Variants in LRRC4C observed in about 807,000 individuals in gnomAD.
LRRC4C encodes the protein leucine-rich repeat-containing protein 4C.
Under a neutral mutation model 33.6 loss-of-function variants are expected in LRRC4C, and 5 were observed. That is an observed-to-expected ratio of 0.15 (90% CI 0.08 to 0.31). The LOEUF is 0.31. LRRC4C is among the 10% of genes least tolerant of loss of function. The pLI is 1.00. For synonymous variants in LRRC4C, 329 were observed against 302.0 expected, an observed-to-expected ratio of 1.09 and a Z score of -0.93; for missense variants, 560 against 796.7, an observed-to-expected ratio of 0.70 and a Z score of 3.58.
chr11:40,888,691 C>G (rs1592000692), intron 2 of LRRC4C, among the ~76,000 whole-genome samples: 1 of 151,966 alleles, frequency 6.6e-6, no homozygotes, highest in African/African-American at 2.4e-5. Flanking sequence ...GGAAATTTCT[C>G]TTGATTAACC....
intron 1 of LRRC4C, among the ~76,000 whole-genome samples, chr11:40,970,474 A>G (rs1441779375): frequency 6.6e-6 from 1 of 152,190 alleles, no homozygotes. Flanking sequence ...TAGCCTGAAG[A>G]ACCATGAGCC....
In LRRC4C at chr11:40,325,093, G is replaced by A. The variant is rs1242311405; in HGVS notation, c.-269-5372C>T. Among the ~76,000 whole-genome samples, 3 of 152,194 alleles carry A rather than the reference G, an allele frequency of 2.0e-5. No individual in the cohort carries two copies. In the East Asian group the frequency reaches 5.8e-4, roughly 29 times the overall value. ...GTCTTCTATGAACAGATTGGCAATG[G>A]AACGACTAGTTGAAAGGTGAAATTT... On this transcript the variant is annotated intron_variant, in intron 3 of 6. Coordinates refer to ENST00000528697, the MANE Select transcript of LRRC4C (RefSeq NM_001258419.2).
chr11:40,188,175 T>C (rs1316109547), intron 5 of LRRC4C, among the ~76,000 whole-genome samples: 1 of 152,222 alleles, frequency 6.6e-6, no homozygotes, highest in Non-Finnish European at 1.5e-5. Context: ...TCAAATGATA[T>C]TGTTTCTTCA....
intron 5 of LRRC4C, among the ~76,000 whole-genome samples, chr11:40,200,688 C>T (rs997102827): frequency 2.1e-5 from 3 of 141,982 alleles, no homozygotes; most frequent in African/African-American, 7.9e-5. Context: ...ATTGCTTGAA[C>T]CCAGGAGGTG....
chr11:40,338,101 C>T (rs1946708376), intron 3 of LRRC4C, among the ~76,000 whole-genome samples: 1 of 152,176 alleles, frequency 6.6e-6, no homozygotes, highest in East Asian at 1.9e-4. Flanking sequence ...TCGATACTTT[C>T]TAAAATGCTT....
chr11:40,776,364 G>C (rs1235917130), intron 2 of LRRC4C, among the ~76,000 whole-genome samples: 1 of 151,820 alleles, frequency 6.6e-6, no homozygotes, highest in Non-Finnish European at 1.5e-5. Flanking sequence ...CTGGTCTAGG[G>C]ATTTTTTTAA....
chr11:40,341,515 C>T (rs1189527477), intron 3 of LRRC4C, among the ~76,000 whole-genome samples: 1 of 134,028 alleles, frequency 7.5e-6, no homozygotes, highest in Non-Finnish European at 1.6e-5. Flanking sequence ...CATATGGACA[C>T]ATCACACACT....
At chr11:41,319,465 A>G (rs1400927758) in intron 1 of LRRC4C, among the ~76,000 whole-genome samples, 1 of 152,192 alleles carries the variant, frequency 6.6e-6, no homozygotes, top group African/African-American at 2.4e-5. Flanking sequence ...GCCACAGTCT[A>G]TATTTTTCAA....
At chr11:41,451,679 G>C (rs1956030563) in intron 1 of LRRC4C, among the ~76,000 whole-genome samples, 1 of 152,116 alleles carries the variant, frequency 6.6e-6, no homozygotes, top group Non-Finnish European at 1.5e-5. Flanking sequence ...CCTATTTCAT[G>C]AAAGTGCTGG....
intron 1 of LRRC4C, among the ~76,000 whole-genome samples, chr11:41,015,955 A>C (rs937244407): frequency 3.3e-5 from 5 of 152,104 alleles, no homozygotes; most frequent in African/African-American, 1.2e-4. Flanking sequence ...GCGCCACTGC[A>C]CTCCAGCCCG....
At chr11:40,585,350 A>C (rs1018853211) in intron 3 of LRRC4C, among the ~76,000 whole-genome samples, 64 of 152,306 alleles carry the variant, frequency 4.2e-4, no homozygotes, top group Non-Finnish European at 8.4e-4. Flanking sequence ...GAACACAAGG[A>C]AGACTAAACA....
intron 5 of LRRC4C, among the ~76,000 whole-genome samples, chr11:40,237,175 A>T (rs1865623557): frequency 6.6e-6 from 1 of 152,234 alleles, no homozygotes; most frequent in Admixed American, 6.5e-5. Context: ...GCCACCATAA[A>T]GCAGCCCATA....
chr11:40,570,248 T>C (rs1438908566), intron 3 of LRRC4C, among the ~76,000 whole-genome samples: 2 of 152,166 alleles, frequency 1.3e-5, no homozygotes, highest in African/African-American at 4.8e-5. Flanking sequence ...TTGTATATTT[T>C]ACACACACCA....
rs533106467 is a variant in LRRC4C, at chr11:40,336,025, C to G, written c.-269-16304G>C. Among the ~76,000 whole-genome samples the G allele has an allele frequency of 2.6e-5, 4 of 152,298 alleles. No homozygotes were observed. In the South Asian group the frequency reaches 8.3e-4, roughly 32 times the overall value. On this transcript the variant is annotated intron_variant, in intron 3 of 6. Transcript: ENST00000528697. The stretch of plus-strand genomic sequence containing the variant: ...CACACAGACCAGTGCCTGACACATA[C>G]TAAGCATTGTATGAGTATGAGGTCT...
chr11:40,688,320 T>C (rs987288133), intron 2 of LRRC4C, among the ~76,000 whole-genome samples: 1 of 152,152 alleles, frequency 6.6e-6, no homozygotes, highest in Non-Finnish European at 1.5e-5. Context: ...TTGTTAGCTT[T>C]ACCTGTGAAT....
chr11:40,575,796 A>G (rs1400352758), intron 3 of LRRC4C, among the ~76,000 whole-genome samples: 1 of 152,216 alleles, frequency 6.6e-6, no homozygotes, highest in African/African-American at 2.4e-5. Context: ...AAATAGGAAT[A>G]TACAAATATT....
chr11:40,860,257 C>T (rs1954018146), intron 2 of LRRC4C, among the ~76,000 whole-genome samples: 1 of 151,724 alleles, frequency 6.6e-6, no homozygotes, highest in South Asian at 2.1e-4. Flanking sequence ...TGGTGTTTAC[C>T]AGTGGGTAGG....
At chr11:40,536,334 C>T (rs1956470485) in intron 3 of LRRC4C, among the ~76,000 whole-genome samples, 1 of 152,174 alleles carries the variant, frequency 6.6e-6, no homozygotes, top group South Asian at 2.1e-4. Context: ...GCTGGGACTA[C>T]AGGCGCACAC....
At chr11:40,807,144 A>C (rs1951287813) in intron 2 of LRRC4C, among the ~76,000 whole-genome samples, 1 of 152,300 alleles carries the variant, frequency 6.6e-6, no homozygotes, top group East Asian at 1.9e-4. Flanking sequence ...ACTTCAGTCA[A>C]CTTTTACTCC....
Sources: gnomAD v4.1 joint callset for allele counts (sites outside exome capture counted in the v4.1 genomes callset) on GRCh38, gnomAD v4.1.1 for gene constraint, MANE v1.5 for transcripts, NCBI Gene and HGNC (gene_info 2026-07-23, HGNC 2026-07-21) for gene names.